Variants in CALD1 observed in about 807,000 individuals in gnomAD.
CALD1 encodes the protein caldesmon 1, also known as caldesmon.
CALD1 carries 33 observed loss-of-function variants against 99.9 expected under a neutral mutation model. That is an observed-to-expected ratio of 0.33 (90% CI 0.25 to 0.44). The LOEUF is 0.44. Ranked by LOEUF, CALD1 falls within the 20% of genes least tolerant of loss-of-function variation. CALD1 has a pLI of 1.00. For synonymous variants in CALD1, 310 were observed against 325.0 expected, an observed-to-expected ratio of 0.95 and a Z score of 0.50; for missense variants, 861 against 962.1, an observed-to-expected ratio of 0.89 and a Z score of 1.39.
intron 1 of CALD1, among the ~76,000 whole-genome samples, chr7:134,771,904 C>T (rs1267373982): frequency 1.3e-5 from 2 of 152,042 alleles, no homozygotes; most frequent in Non-Finnish European, 2.9e-5. Context: ...CTCCCTATTC[C>T]TTTACTCTTT....
intron 1 of CALD1, among the ~76,000 whole-genome samples, chr7:134,814,915 A>T (rs1408203716): frequency 1.3e-5 from 2 of 152,164 alleles, no homozygotes; most frequent in African/African-American, 4.8e-5. Context: ...TCTGTAAAAT[A>T]AGGGAGCTGG....
intron 1 of CALD1, among the ~76,000 whole-genome samples, chr7:134,814,223 A>C (rs186392408): frequency 4.6e-5 from 7 of 152,308 alleles, no homozygotes; most frequent in Non-Finnish European, 1.0e-4. Context: ...AAGAGCTATA[A>C]ATCACGAGAG....
intron 3 of CALD1, among the ~76,000 whole-genome samples, chr7:134,923,320 CT>C (rs1395104254): frequency 3.3e-5 from 5 of 152,160 alleles, no homozygotes; most frequent in Admixed American, 3.3e-4. Flanking sequence ...TAGAGAAGTA[CT>C]TTATAGATCA....
chr7:134,711,678 ATATGTGTGTGTGTG>A, the CALD1 span, among the ~76,000 whole-genome samples: 5 of 54,836 alleles, frequency 9.1e-5, no homozygotes, highest in East Asian at 2.1e-3. Context: ...ATATATATAT[ATATGTGTGTGTGTG>A]TGTGTGTGTG....
intron 1 of CALD1, among the ~76,000 whole-genome samples, chr7:134,833,035 A>G (rs1799294225): frequency 6.6e-6 from 1 of 152,256 alleles, no homozygotes; most frequent in African/African-American, 2.4e-5. Flanking sequence ...TTTTACACTT[A>G]TCAGCTCTAT....
At chr7:134,778,166 G>C (rs1796958499), upstream of CALD1, among the ~76,000 whole-genome samples, 1 of 152,200 alleles carries the variant, frequency 6.6e-6, no homozygotes, top group Non-Finnish European at 1.5e-5. Flanking sequence ...AGAGGGGAGG[G>C]AAGCAACCTT....
At chr7:134,843,718 C>T (rs1799740619) in intron 1 of CALD1, among the ~76,000 whole-genome samples, 166 bp from the exon 2 acceptor site, 1 of 152,176 alleles carries the variant, frequency 6.6e-6, no homozygotes, top group Admixed American at 6.5e-5. Flanking sequence ...CTGTATTTTC[C>T]TTAAAATGCA....
intron 1 of CALD1, among the ~76,000 whole-genome samples, chr7:134,804,868 TAGAG>T (rs1798077285): frequency 6.6e-6 from 1 of 152,144 alleles, no homozygotes; most frequent in Admixed American, 6.5e-5. Context: ...GGAATTGCAA[TAGAG>T]AAAGAGTAAT....
intron 2 of CALD1, among the ~76,000 whole-genome samples, chr7:134,866,453 A>G (rs536242281): frequency 6.6e-6 from 1 of 152,254 alleles, no homozygotes; most frequent in East Asian, 1.9e-4. Flanking sequence ...AAAAATTCAA[A>G]CATTGTATAG....
chr7:134,940,935 C>CT (rs2133057092), intron 6 of CALD1, among the ~76,000 whole-genome samples, 157 bp from the exon 7 acceptor site: 1 of 152,312 alleles, frequency 6.6e-6, no homozygotes, highest in African/African-American at 2.4e-5. Context: ...AGCTCATTCT[C>CT]TAAGAATTTC....
In CALD1 at chr7:134,919,640, G is replaced by A. The variant is rs6960863; in HGVS notation, c.72-9114G>A. Reference sequence around the variant, plus strand: ...ATATGTCTATGTATGGGGAGATGGGGTGGGAGAATGGGGAATAAATGAAGT... The same window carrying A: ...ATATGTCTATGTATGGGGAGATGGGATGGGAGAATGGGGAATAAATGAAGT... On this transcript the variant is annotated intron_variant, in intron 3 of 14. Coordinates refer to ENST00000361675, the MANE Select transcript of CALD1 (RefSeq NM_033138.4). Among the ~76,000 whole-genome samples, 846 of 152,266 alleles carry A rather than the reference G, an allele frequency of 5.6e-3. 8 individuals are homozygous for A. Among genetic ancestry groups the A allele is most frequent in the African/African-American group, 0.019 (799 of 41,552 alleles).
intron 1 of CALD1, among the ~76,000 whole-genome samples, chr7:134,807,433 G>T (rs1271928616): frequency 6.6e-6 from 1 of 151,932 alleles, no homozygotes; most frequent in South Asian, 2.1e-4. Flanking sequence ...TTACATCTCC[G>T]ACCAGTTTCT....
intron 2 of CALD1, among the ~76,000 whole-genome samples, chr7:134,867,221 T>C (rs1800842074): frequency 6.6e-6 from 1 of 152,248 alleles, no homozygotes; most frequent in South Asian, 2.1e-4. Flanking sequence ...GCACATTATA[T>C]GCCTAGACAC....
chr7:134,964,088 T>C (rs765481857), intron 13 of CALD1, among the ~76,000 whole-genome samples: 35 of 152,118 alleles, frequency 2.3e-4, no homozygotes, highest in Admixed American at 3.3e-4. Flanking sequence ...TCTCAGCTAC[T>C]TGGGAGGCTG....
intron 1 of CALD1, among the ~76,000 whole-genome samples, chr7:134,782,311 G>T (rs1469352851): frequency 6.6e-6 from 1 of 152,132 alleles, no homozygotes; most frequent in Non-Finnish European, 1.5e-5. Flanking sequence ...TAAGGAGGAG[G>T]TTAGAAAGAT....
intron 1 of CALD1, among the ~76,000 whole-genome samples, chr7:134,830,879 C>T (rs1281861018): frequency 6.6e-6 from 1 of 152,074 alleles, no homozygotes. Context: ...CCAACTTCTC[C>T]AGTGGTGTAT....
rs143148522 is a variant in CALD1, at chr7:134,770,122, A to G, written c.-130+25759A>G. ...ATTAATTACCTTTCTCTTTGTAAAA[A>G]GAAAAAATGCTCTCAAACCTTAGTG... On this transcript the variant is annotated intron_variant, in intron 1 of 13. Coordinates refer to the CALD1 transcript ENST00000417172. 3.6e-3 allele frequency among the ~76,000 whole-genome samples: 549 copies of G among 152,310 alleles called. 2 individuals are homozygous for G. The highest frequency in any genetic ancestry group is 0.013 in the African/African-American group (524 of 41,562).
chr7:134,805,035 T>C (rs1798083515), intron 1 of CALD1, among the ~76,000 whole-genome samples: 2 of 152,202 alleles, frequency 1.3e-5, no homozygotes, highest in Admixed American at 1.3e-4. Flanking sequence ...GATGAAATCA[T>C]AGAAGTAGAA....
chr7:134,861,957 A>G (rs1800581366), intron 2 of CALD1, among the ~76,000 whole-genome samples: 1 of 152,230 alleles, frequency 6.6e-6, no homozygotes, highest in Non-Finnish European at 1.5e-5. Flanking sequence ...AAAAGTATGC[A>G]ATGATGCTGT....
Sources: gnomAD v4.1 joint callset for allele counts (sites outside exome capture counted in the v4.1 genomes callset) on GRCh38, gnomAD v4.1.1 for gene constraint, MANE v1.5 for transcripts, NCBI Gene and HGNC (gene_info 2026-07-23, HGNC 2026-07-21) for gene names.